Variants in RCAN1 observed in about 807,000 individuals in gnomAD.
The protein encoded by RCAN1 is calcipressin-1.
In RCAN1, 11 loss-of-function variants were observed where a neutral mutation model predicts 22.9. The observed-to-expected ratio is 0.48, with a 90% CI of 0.30 to 0.79. RCAN1 has a LOEUF of 0.79. Ranked by LOEUF, RCAN1 falls within the 30% of genes least tolerant of loss-of-function variation. The probability of loss-of-function intolerance (pLI) is 0.06; values close to 1 mark genes in which losing one functional copy is unlikely to be tolerated. For synonymous variants in RCAN1, 136 were observed against 142.3 expected, an observed-to-expected ratio of 0.96 and a Z score of 0.32; for missense variants, 291 against 337.8, an observed-to-expected ratio of 0.86 and a Z score of 1.09.
intron 3 of RCAN1, among the ~76,000 whole-genome samples, chr21:34,519,164 G>A (rs1002410632): frequency 1.3e-5 from 2 of 152,146 alleles, no homozygotes; most frequent in Non-Finnish European, 2.9e-5. Context: ...AGTGCCCGAG[G>A]CAATGAGAAC....
intron 1 of RCAN1, among the ~76,000 whole-genome samples, chr21:34,610,985 C>T (rs897371635): frequency 7.9e-5 from 12 of 152,108 alleles, no homozygotes; most frequent in African/African-American, 2.7e-4. Flanking sequence ...CAGCAAAGCT[C>T]TATGAATCAA....
At chr21:34,588,497 C>A (rs999683962) in intron 1 of RCAN1, among the ~76,000 whole-genome samples, 2 of 152,184 alleles carry the variant, frequency 1.3e-5, no homozygotes, top group East Asian at 3.9e-4. Flanking sequence ...TACCTCATAG[C>A]CATTAGGATG....
Position 34,525,122 on chromosome 21 carries a change from A to AGTGGGAGCG in RCAN1, c.253-1421_253-1413dup, listed in dbSNP as rs1338378687. The stretch of plus-strand genomic sequence containing the variant: ...CCTATGGAAGGCGCAGTGTCTCTGC[A>AGTGGGAGCG]GTGGGAGCGAGGATTCAGGATAAGA... On this transcript the variant is annotated intron_variant, in intron 1 of 3. Transcript: ENST00000313806. The AGTGGGAGCG allele has an allele frequency of 1.2e-5, 18 of 1,550,464 alleles. No individual in the cohort carries two copies. In the Admixed American group the frequency reaches 1.6e-4, roughly 14 times the overall value.
chr21:34,533,729 C>T lies in RCAN1; in HGVS notation c.253-10019G>A, dbSNP rs537909620. Among the ~76,000 whole-genome samples, 23 of 152,270 alleles carry T rather than the reference C, an allele frequency of 1.5e-4. No individual in the cohort carries two copies. The South Asian group carries it at 2.7e-3, about 18-fold the overall frequency. On this transcript the variant is annotated intron_variant, in intron 1 of 3. Transcript: ENST00000313806. ...CTTGAGTGTGGGCAACAGAGCAGCG[C>T]GGAGGGGCAGAAAAGCTGGAAAAGT... is the stretch of plus-strand genomic sequence containing the variant.
At chr21:34,573,670 G>C (rs1175620973) in intron 1 of RCAN1, among the ~76,000 whole-genome samples, 4 of 152,144 alleles carry the variant, frequency 2.6e-5, no homozygotes, top group African/African-American at 9.7e-5. Flanking sequence ...CTGCTCCCCT[G>C]TGTGCTACAA....
chr21:34,574,037 C>G (rs535067465), intron 1 of RCAN1, among the ~76,000 whole-genome samples: 5 of 152,198 alleles, frequency 3.3e-5, no homozygotes, highest in Non-Finnish European at 7.3e-5. Flanking sequence ...CAAAAATCCT[C>G]AGGTTCTAAA....
intron 1 of RCAN1, among the ~76,000 whole-genome samples, chr21:34,589,657 G>T (rs1319862672): frequency 2.6e-5 from 4 of 152,070 alleles, no homozygotes; most frequent in Non-Finnish European, 2.9e-5. Context: ...ATGTGGGTGG[G>T]CATCATCTAA....
At position 34,597,386 on chromosome 21, in the gene RCAN1, G is replaced by A. The variant is rs943106895; in HGVS notation, c.252+17374C>T. Among the ~76,000 whole-genome samples the A allele has an allele frequency of 5.9e-5, 9 of 152,206 alleles. No homozygotes were observed. In the South Asian group the frequency reaches 6.2e-4, roughly 10 times the overall value. On this transcript the variant is annotated intron_variant, in intron 1 of 3. Coordinates refer to ENST00000313806, the MANE Select transcript of RCAN1 (RefSeq NM_004414.7). ...CAGTGGTTACTGCAGTGGACAGTGCGGATACAGGACACTCCCACCACCCTA... is the reference window on the plus strand; with the variant it reads ...CAGTGGTTACTGCAGTGGACAGTGCAGATACAGGACACTCCCACCACCCTA...
intron 1 of RCAN1, among the ~76,000 whole-genome samples, chr21:34,533,041 A>G (rs577624156): frequency 1.4e-4 from 21 of 151,694 alleles, no homozygotes; most frequent in South Asian, 1.3e-3. Context: ...GCTCACTGCA[A>G]GCTCCGCCTC....
At chr21:34,592,147 T>C (rs960953925) in intron 1 of RCAN1, among the ~76,000 whole-genome samples, 1 of 152,202 alleles carries the variant, frequency 6.6e-6, no homozygotes, top group Non-Finnish European at 1.5e-5. Flanking sequence ...CCAGAAAACC[T>C]GAGAAAACTA....
At chr21:34,550,521 T>C (rs1204146566) in intron 1 of RCAN1, among the ~76,000 whole-genome samples, 2 of 152,112 alleles carry the variant, frequency 1.3e-5, no homozygotes, top group Non-Finnish European at 2.9e-5. Flanking sequence ...GAAAAGACCA[T>C]GTGAGGACAC....
At chr21:34,526,879 T>TG in intron 1 of RCAN1, 1 of 1,451,128 alleles carries the variant, frequency 6.9e-7, no homozygotes, top group Non-Finnish European at 9.0e-7. Flanking sequence ...CCCCACTCCC[T>TG]GGGGAAAAAA....
chr21:34,615,083 C>A lies in RCAN1; in HGVS notation c.-72G>T. Reference sequence around the variant, plus strand: ...TTGCGCGCCGGAGCCTCACGCGCTCCGGTCCGCGCCCGGCCGGCGGCTCCG... The same window carrying A: ...TTGCGCGCCGGAGCCTCACGCGCTCAGGTCCGCGCCCGGCCGGCGGCTCCG... On this transcript the variant is annotated 5_prime_UTR_variant, in exon 1 of 4. Coordinates refer to ENST00000313806, the MANE Select transcript of RCAN1 (RefSeq NM_004414.7). 2.0e-6 allele frequency: 2 copies of A among 1,004,624 alleles called. No homozygotes were observed. Among genetic ancestry groups the A allele is most frequent in the Non-Finnish European group, 2.4e-6 (2 of 842,888 alleles). 62.2% of individuals were successfully genotyped at this position (1,004,624 alleles called of 1,614,324 possible). A position where few individuals can be genotyped will look rare whatever the true frequency, so the allele number is the denominator to read the frequency against.
chr21:34,567,306 C>G (rs537042046), intron 1 of RCAN1, among the ~76,000 whole-genome samples: 1 of 152,256 alleles, frequency 6.6e-6, no homozygotes, highest in African/African-American at 2.4e-5. Context: ...ACCATCCAGG[C>G]TAACATGGTG....
intron 1 of RCAN1, among the ~76,000 whole-genome samples, chr21:34,547,056 C>A (rs1002287296): frequency 2.0e-5 from 3 of 152,328 alleles, no homozygotes; most frequent in Admixed American, 2.0e-4. Context: ...ACAGTAAATT[C>A]TGTGGCTGGC....
chr21:34,574,630 G>A (rs750882273), intron 1 of RCAN1, among the ~76,000 whole-genome samples: 47 of 152,088 alleles, frequency 3.1e-4, no homozygotes, highest in Admixed American at 1.8e-3. Context: ...CACACAATGC[G>A]TCAAAAAAAG....
chr21:34,527,572 G>A (rs1985142734), intron 1 of RCAN1, among the ~76,000 whole-genome samples: 1 of 152,158 alleles, frequency 6.6e-6, no homozygotes, highest in Non-Finnish European at 1.5e-5. Flanking sequence ...GAGAACTGGG[G>A]ATATGAAACA....
intron 1 of RCAN1, among the ~76,000 whole-genome samples, chr21:34,584,953 A>G (rs545159046): frequency 1.3e-5 from 2 of 152,336 alleles, no homozygotes; most frequent in African/African-American, 4.8e-5. Context: ...ATGTTTTGCT[A>G]TGCATTTAAT....
chr21:34,530,623 T>TG lies in RCAN1; in HGVS notation c.253-6914_253-6913insC, dbSNP rs1568889005. Among the ~76,000 whole-genome samples the TG allele has an allele frequency of 5.9e-3, 605 of 101,800 alleles. 8 individuals carry two copies. The highest frequency in any genetic ancestry group is 0.025 in the African/African-American group (527 of 21,042). The allele number at this position is 101,800 out of a possible 152,430, so 66.8% of individuals were successfully genotyped here. A position where few individuals can be genotyped will look rare whatever the true frequency, so the allele number is the denominator to read the frequency against. On this transcript the variant is annotated intron_variant, in intron 1 of 3. Transcript: ENST00000313806. Reference sequence around the variant, plus strand: ...TTCTAAGATAGTGAAATAGTTTTTTTTTTTTTTTTTTTTTTTTTTTGAGAC... The same window carrying TG: ...TTCTAAGATAGTGAAATAGTTTTTTTGTTTTTTTTTTTTTTTTTTTTGAGAC...
Sources: gnomAD v4.1 joint callset for allele counts (sites outside exome capture counted in the v4.1 genomes callset) on GRCh38, gnomAD v4.1.1 for gene constraint, MANE v1.5 for transcripts, NCBI Gene and HGNC (gene_info 2026-07-23, HGNC 2026-07-21) for gene names.